The following CD163 variants were observed in gnomAD, a reference collection of about 807,000 sequenced individuals.
CD163 encodes scavenger receptor cysteine-rich type 1 protein M130.
Under a neutral mutation model 129.2 loss-of-function variants are expected in CD163, and 64 were observed. That is an observed-to-expected ratio of 0.50 (90% CI 0.41 to 0.61). CD163 has a LOEUF of 0.61. Ranked by LOEUF, CD163 falls within the 20% of genes least tolerant of loss-of-function variation. The pLI, the probability that CD163 is intolerant of heterozygous loss-of-function variation, is 0.00. For missense variants in CD163, 1,061 were observed against 1,377.9 expected, an observed-to-expected ratio of 0.77 and a Z score of 3.64; for synonymous variants, 446 against 478.5, an observed-to-expected ratio of 0.93 and a Z score of 0.89.
chr12:7,475,822 G>T (rs757057688), intron 16 of CD163, among the ~76,000 whole-genome samples: 71 of 152,246 alleles, frequency 4.7e-4, no homozygotes, highest in Admixed American at 7.2e-4. Flanking sequence ...TGACATAATT[G>T]TATATTTAGA....
rs771788167 is a variant in CD163, at chr12:7,498,981, CA to C, written c.664del (p.Trp222GlyfsTer35). 1 of 1,614,098 alleles carries C rather than the reference CA, an allele frequency of 6.2e-7. No homozygotes were observed. The highest frequency in any genetic ancestry group is 1.1e-5 in the South Asian group (1 of 91,076). Reference sequence around the variant, plus strand: ...TCCGTTGCATATAAGATCATCAAACCAGATTGGTCCAGAGCCTTCTCCAAAA... The same window carrying C: ...TCCGTTGCATATAAGATCATCAAACCGATTGGTCCAGAGCCTTCTCCAAAA... ...SNFGEGSGPI[W>X]FDDLICNGNE... is the part of the protein sequence containing the mutation. On this transcript the variant is annotated frameshift_variant, in exon 4 of 17. Coordinates refer to ENST00000432237, the MANE Select transcript of CD163 (RefSeq NM_203416.4). LOFTEE classifies it high-confidence loss of function.
At chr12:7,502,722 C>A in intron 1 of CD163, 158 bp from the exon 2 acceptor site, 2 of 655,214 alleles carry the variant, frequency 3.1e-6, no homozygotes, top group Non-Finnish European at 5.5e-6. Flanking sequence ...CATACCCAGG[C>A]TCATATAGTT....
chr12:7,491,128 C>G (rs937050606), intron 6 of CD163, among the ~76,000 whole-genome samples: 46 of 151,514 alleles, frequency 3.0e-4, no homozygotes, highest in African/African-American at 9.9e-4. Context: ...AAAAGAAAAC[C>G]AGTGAAAAAC....
chr12:7,482,633 T>G lies in CD163; in HGVS notation c.3247+10A>C. On this transcript the variant is annotated intron_variant, in intron 14 of 16. Coordinates refer to ENST00000432237, the MANE Select transcript of CD163 (RefSeq NM_203416.4). ...GTAGACATATTAGATAAACCAAATT[T>G]GGCTCAAACCTGCAAGCCGCTGTCT... 3.1e-6 allele frequency: 5 copies of G among 1,613,858 alleles called. No homozygotes were observed. Among genetic ancestry groups the G allele is most frequent in the Middle Eastern group, 1.7e-4 (1 of 6,054 alleles).
chr12:7,490,750 T>C (rs1378261210), intron 6 of CD163, among the ~76,000 whole-genome samples: 6 of 152,046 alleles, frequency 3.9e-5, no homozygotes, highest in African/African-American at 1.2e-4. Flanking sequence ...TACAGCAATA[T>C]AGAATACCTC....
At chr12:7,484,024 T>C (rs1364436836) in intron 11 of CD163, among the ~76,000 whole-genome samples, 1 of 150,886 alleles carries the variant, frequency 6.6e-6, no homozygotes, top group African/African-American at 2.4e-5. Flanking sequence ...GTATTTTTAG[T>C]AGAGACGGGG....
At position 7,479,908 on chromosome 12, in the gene CD163, G is replaced by T; in HGVS notation, c.3349C>A (p.His1117Asn). The change falls in exon 16 of 17, where the codon CAT becomes AAT. Residue 1117 changes from histidine to asparagine, a missense_variant. By Grantham distance (68) the His-to-Asn change is moderately conservative. Transcript: ENST00000432237. ...DLDLMNSSGG[H>N]SEPH ...TTTCCTTTTCAGTGTGGCTCAGAAT[G>T]GCCTCCTTTTCCATTCCAGAAATAG... is the stretch of plus-strand genomic sequence containing the variant. 1 of 1,612,736 alleles carries T rather than the reference G, an allele frequency of 6.2e-7. No individual in the cohort carries two copies. The highest frequency in any genetic ancestry group is 8.5e-7 in the Non-Finnish European group (1 of 1,179,340).
chr12:7,496,180 A>G lies in CD163; in HGVS notation c.1099+633T>C, dbSNP rs1949397990. 1.3e-5 allele frequency among the ~76,000 whole-genome samples: 2 copies of G among 152,232 alleles called. No homozygotes were observed. Among genetic ancestry groups the G allele is most frequent in the Admixed American group, 6.5e-5 (1 of 15,280 alleles). On this transcript the variant is annotated intron_variant, in intron 5 of 16. Transcript: ENST00000432237. The surrounding 1 kb of genome is among the most constrained non-coding windows in gnomAD (Gnocchi z 4.8). ...ATGAGTTTATGTCCTTTGAAGGGAC[A>G]CAGATGAAGCTAGAAACCATCATCC...
chr12:7,501,521 A>T (rs879098819), intron 2 of CD163, 59 bp from the exon 3 acceptor site: 1 of 1,245,394 alleles, frequency 8.0e-7, no homozygotes, highest in South Asian at 1.3e-5. Context: ...GTAGAAAATT[A>T]TTTTTTTACA....
In CD163 at chr12:7,471,199, T is replaced by C. The variant is rs989260170; in HGVS notation, c.*230A>G. ...AATCAATAACATTCTTATTTATTTATTTAATTCCCTTGAAAGTCTCATATA... is the reference window on the plus strand; with the variant it reads ...AATCAATAACATTCTTATTTATTTACTTAATTCCCTTGAAAGTCTCATATA... On this transcript the variant is annotated 3_prime_UTR_variant, in exon 17 of 17. Coordinates refer to ENST00000432237, the MANE Select transcript of CD163 (RefSeq NM_203416.4). 22 of 152,306 alleles carry C rather than the reference T, an allele frequency of 1.4e-4. No individual in the cohort carries two copies. Among genetic ancestry groups the C allele is most frequent in the Non-Finnish European group, 2.9e-4 (20 of 68,006 alleles). The allele number at this position is 152,306 out of a possible 1,614,324, so 9.4% of individuals were successfully genotyped here. A position where few individuals can be genotyped will look rare whatever the true frequency, so the allele number is the denominator to read the frequency against.
rs1591997231 is a variant in CD163, at chr12:7,483,516, T to C, written c.2939A>G (p.Lys980Arg). 1.2e-6 allele frequency: 2 copies of C among 1,614,050 alleles called. No homozygotes were observed. Among genetic ancestry groups the C allele is most frequent in the Non-Finnish European group, 1.7e-6 (2 of 1,179,970 alleles). The change falls in exon 12 of 17, where the codon AAA becomes AGA. Residue 980 changes from lysine (K) to arginine (R), a missense_variant. Lys to Arg is a conservative substitution (Grantham distance 26). Transcript: ENST00000432237. ...LGCGPALKAF[K>R]EAEFGQGTGP... ...AGTCCCCTGACCAAACTCTGCTTCT[T>C]TGAATGCTTTCAAAGCTGGACCACA...
chr12:7,484,949 ATTACCCACAAGT>A, intron 11 of CD163, 135 bp downstream of exon 11: 1 of 711,560 alleles, frequency 1.4e-6, no homozygotes, highest in Non-Finnish European at 2.4e-6. Flanking sequence ...TAGAATAGAT[ATTACCCACAAGT>A]TACCCATTCT....
chr12:7,489,543 C>A (rs1353712449), intron 6 of CD163, among the ~76,000 whole-genome samples: 1 of 151,938 alleles, frequency 6.6e-6, no homozygotes, highest in Non-Finnish European at 1.5e-5. Flanking sequence ...AATGTAACAA[C>A]CTGTAATGTT....
At chr12:7,483,292 A>T in intron 12 of CD163, 75 bp downstream of exon 12, 3 of 1,403,452 alleles carry the variant, frequency 2.1e-6, no homozygotes, top group Non-Finnish European at 2.9e-6. Context: ...TCCGGTTTTT[A>T]CACAACACAC....
chr12:7,500,930 T>G (rs1188085995), intron 3 of CD163, among the ~76,000 whole-genome samples: 1 of 152,138 alleles, frequency 6.6e-6, no homozygotes, highest in Non-Finnish European at 1.5e-5. Context: ...TTGAAGCCAG[T>G]CACCTCCTCA....
chr12:7,484,807 C>T (rs1249225935), intron 11 of CD163, among the ~76,000 whole-genome samples: 1 of 152,142 alleles, frequency 6.6e-6, no homozygotes, highest in Non-Finnish European at 1.5e-5. Flanking sequence ...CACATATTCT[C>T]TCCTCCTCAG....
rs780766642 is a variant in CD163 at position 7,487,751 on chromosome 12, A to G, written c.1735+22T>C. ...CCCTTTCACAGTATGAGAACCAATTAAAGATGTTTTCTGGGTCTTACTTGA... is the reference window on the plus strand; with the variant it reads ...CCCTTTCACAGTATGAGAACCAATTGAAGATGTTTTCTGGGTCTTACTTGA... On this transcript the variant is annotated intron_variant, in intron 7 of 16. Transcript: ENST00000432237. This position sits in a 1 kb window ranked among gnomAD's most constrained non-coding sequence, Gnocchi z 5.1. 4 of 1,613,920 alleles carry G rather than the reference A, an allele frequency of 2.5e-6. No individual in the cohort carries two copies. In the Admixed American group the frequency reaches 6.7e-5, roughly 27 times the overall value.
In CD163 at chr12:7,483,514, C is replaced by T; in HGVS notation, c.2941G>A (p.Glu981Lys). ...GCGPALKAFK[E>K]AEFGQGTGPI... ...CCAGTCCCCTGACCAAACTCTGCTT[C>T]TTTGAATGCTTTCAAAGCTGGACCA... Residue 981 changes from glutamate (E) to lysine (K), a missense_variant, in exon 12 of 17, where the codon GAA becomes AAA. Physicochemically the swap from Glu to Lys is moderately conservative, Grantham distance 56. Transcript: ENST00000432237. 1 of 1,614,082 alleles carries T rather than the reference C, an allele frequency of 6.2e-7. No individual in the cohort carries two copies. The highest frequency in any genetic ancestry group is 8.5e-7 in the Non-Finnish European group (1 of 1,179,996).
chr12:7,492,626 G>A (rs1034903790), intron 6 of CD163, among the ~76,000 whole-genome samples: 2 of 152,060 alleles, frequency 1.3e-5, no homozygotes, highest in African/African-American at 4.8e-5. Flanking sequence ...GATTCTCCTT[G>A]CCACTTTTAG....
Sources: allele counts gnomAD v4.1 joint callset (sites outside exome capture counted in the v4.1 genomes callset), GRCh38; gene constraint gnomAD v4.1.1; non-coding constraint Gnocchi (gnomAD v3.1); transcripts MANE v1.5; gene names NCBI Gene and HGNC (gene_info 2026-07-23, HGNC 2026-07-21).